Variants in ANKRD36 observed in about 807,000 individuals in gnomAD.
ANKRD36 encodes ankyrin repeat domain-containing protein 36A.
In ANKRD36, 179 loss-of-function variants were observed where a neutral mutation model predicts 278.1. The ratio of observed to expected loss-of-function variants is 0.64; its 90% CI spans 0.57 to 0.73. The LOEUF is 0.73. ANKRD36 is among the 30% of genes least tolerant of loss of function. The probability of loss-of-function intolerance (pLI) is 0.00; values close to 1 mark genes in which losing one functional copy is unlikely to be tolerated. For missense variants in ANKRD36, 1,159 were observed against 1,956.7 expected (o/e 0.59, Z 7.69); for synonymous variants, 320 against 641.1 (o/e 0.50, Z 7.57).
intron 48 of ANKRD36, among the ~76,000 whole-genome samples, chr2:97,203,407 GT>G (rs1558747440): frequency 1.3e-5 from 2 of 151,792 alleles, no homozygotes; most frequent in African/African-American, 2.4e-5. Flanking sequence ...TTATCCCTTC[GT>G]GCCACGACTG....
At position 97,185,660 on chromosome 2, in the gene ANKRD36, T is replaced by C. The variant is rs572347629; in HGVS notation, c.2041+150T>C. 18 of 1,007,430 alleles carry C rather than the reference T, an allele frequency of 1.8e-5. 1 individual carries two copies. The highest frequency in any genetic ancestry group is 1.3e-4 in the South Asian group (9 of 66,674). 62.4% of individuals were successfully genotyped at this position (1,007,430 alleles called of 1,614,324 possible). On this transcript the variant is annotated intron_variant, in intron 30 of 75. Coordinates refer to ENST00000420699, the MANE Select transcript of ANKRD36 (RefSeq NM_001354587.1). ...TCATTTGTAATAAGTTCTCGGGTGA[T>C]GCTGATGCTGCTGGTCTTGGACCTG...
intron 10 of ANKRD36, among the ~76,000 whole-genome samples, chr2:97,145,839 T>G (rs1165798559): frequency 2.0e-5 from 3 of 152,042 alleles, no homozygotes; most frequent in African/African-American, 7.2e-5. Context: ...TAGCATATAA[T>G]AGGATTCACC....
chr2:97,216,277 A>G lies in ANKRD36; in HGVS notation c.3673+780A>G, dbSNP rs567869081. 1.2e-4 allele frequency among the ~76,000 whole-genome samples: 19 copies of G among 152,022 alleles called. No individual in the cohort carries two copies. In the East Asian group the frequency reaches 3.7e-3, roughly 30 times the overall value. On this transcript the variant is annotated intron_variant, in intron 62 of 75. Coordinates refer to ENST00000420699, the MANE Select transcript of ANKRD36 (RefSeq NM_001354587.1). ...CAAGGAGCTAACTCTTGGGTAAAAT[A>G]GCTATTGGATGAAACTTCTTTAGAG...
At chr2:97,197,064 T>G (rs1235241611) in intron 42 of ANKRD36, among the ~76,000 whole-genome samples, 3 of 151,942 alleles carry the variant, frequency 2.0e-5, no homozygotes, top group Admixed American at 6.6e-5. Context: ...AGCATAGTTT[T>G]GCTTTAATTC....
chr2:97,218,314 G>A (rs1407196591), intron 64 of ANKRD36, among the ~76,000 whole-genome samples: 1 of 145,284 alleles, frequency 6.9e-6, no homozygotes, highest in Non-Finnish European at 1.5e-5. Context: ...AATATCTAAT[G>A]CCTGGAGTAA....
At chr2:97,226,701 A>G (rs1382095219) in intron 67 of ANKRD36, among the ~76,000 whole-genome samples, 1 of 151,838 alleles carries the variant, frequency 6.6e-6, no homozygotes, top group African/African-American at 2.4e-5. Flanking sequence ...GTCCTTGCCC[A>G]TGCCTATGTC....
intron 58 of ANKRD36, among the ~76,000 whole-genome samples, chr2:97,212,254 C>T (rs1268289779): frequency 1.3e-5 from 2 of 151,868 alleles, no homozygotes; most frequent in African/African-American, 4.8e-5. Context: ...TTTGGGATTT[C>T]TGCTGAGGAA....
intron 1 of ANKRD36, among the ~76,000 whole-genome samples, chr2:97,116,467 G>GT (rs2035399964): frequency 6.6e-6 from 1 of 151,832 alleles, no homozygotes; most frequent in African/African-American, 2.4e-5. Context: ...TAAAGACGGG[G>GT]TTCACCATGT....
intron 27 of ANKRD36, 30 bp from the exon 28 acceptor site, chr2:97,183,552 A>G (rs1559528742): frequency 1.3e-6 from 2 of 1,552,568 alleles, no homozygotes; most frequent in Admixed American, 1.9e-5. Flanking sequence ...TGTATTATAT[A>G]TTGACTATTT....
intron 75 of ANKRD36, among the ~76,000 whole-genome samples, chr2:97,260,425 AACACAC>A (rs370223632): frequency 7.6e-6 from 1 of 131,160 alleles, no homozygotes; most frequent in Non-Finnish European, 1.6e-5. Context: ...CACACACACA[AACACAC>A]ACACACACAC....
chr2:97,206,480 T>C (rs770022133), intron 52 of ANKRD36, among the ~76,000 whole-genome samples: 8 of 151,410 alleles, frequency 5.3e-5, no homozygotes, highest in South Asian at 2.1e-4. Context: ...ATTTTACAGA[T>C]GTCACATCAT....
intron 75 of ANKRD36, among the ~76,000 whole-genome samples, chr2:97,258,793 T>C (rs2076460105): frequency 8.5e-6 from 1 of 117,678 alleles, no homozygotes; most frequent in Non-Finnish European, 1.7e-5. Flanking sequence ...CTGTTTTCAG[T>C]ATTCTTTGTT....
At chr2:97,201,718 T>A (rs1346778099) in intron 46 of ANKRD36, among the ~76,000 whole-genome samples, 2 of 151,928 alleles carry the variant, frequency 1.3e-5, no homozygotes, top group African/African-American at 4.8e-5. Context: ...GAAGTATAAG[T>A]TCAACTGAAG....
intron 15 of ANKRD36, among the ~76,000 whole-genome samples, chr2:97,156,091 G>A (rs1451475012): frequency 6.8e-6 from 1 of 146,570 alleles, no homozygotes; most frequent in East Asian, 2.0e-4. Flanking sequence ...TAGGAAAGGC[G>A]GATACAGCGT....
At chr2:97,189,389 T>A in intron 34 of ANKRD36, 99 bp downstream of exon 34, 1 of 555,404 alleles carries the variant, frequency 1.8e-6, no homozygotes, top group Non-Finnish European at 3.3e-6. Context: ...GGGGCTCGCC[T>A]AATCTGCACA....
chr2:97,122,232 C>A (rs2037082555), intron 3 of ANKRD36, among the ~76,000 whole-genome samples: 1 of 124,976 alleles, frequency 8.0e-6, no homozygotes, highest in Admixed American at 8.3e-5. Context: ...ACAACTGTAT[C>A]CCTGAAACTC....
At chr2:97,213,084 T>C in intron 58 of ANKRD36, 2 of 443,492 alleles carry the variant, frequency 4.5e-6, no homozygotes, top group Non-Finnish European at 4.0e-6. Flanking sequence ...GCTTTGACAT[T>C]GATTCTCAAT....
rs547685385 is a variant in ANKRD36, at chr2:97,179,693, A to G, written c.1634-45A>G. Reference sequence around the variant, plus strand: ...CATGCATTTATGTATGGATAACATTATCATATTTACATATGATTGATTATG... The same window carrying G: ...CATGCATTTATGTATGGATAACATTGTCATATTTACATATGATTGATTATG... On this transcript the variant is annotated intron_variant, in intron 22 of 75. Transcript: ENST00000420699. 1.0e-5 allele frequency: 16 copies of G among 1,591,706 alleles called. No homozygotes were observed. The East Asian group carries it at 1.8e-4, about 18-fold the overall frequency.
intron 38 of ANKRD36, 91 bp downstream of exon 38, chr2:97,193,144 C>T (rs557157820): frequency 1.6e-6 from 2 of 1,228,734 alleles, no homozygotes; most frequent in South Asian, 2.8e-5. Context: ...CTCGTTGAAG[C>T]TGCACATTCT....
Sources: gnomAD v4.1 joint callset for allele counts (sites outside exome capture counted in the v4.1 genomes callset) on GRCh38, gnomAD v4.1.1 for gene constraint, MANE v1.5 for transcripts, NCBI Gene and HGNC (gene_info 2026-07-23, HGNC 2026-07-21) for gene names.